Variants in SPOCK3 observed in about 807,000 individuals in gnomAD.
SPOCK3 encodes the protein SPARC (osteonectin), cwcv and kazal like domains proteoglycan 3.
SPOCK3 carries 30 observed loss-of-function variants against 56.6 expected under a neutral mutation model. The observed-to-expected ratio is 0.53, with a 90% CI of 0.40 to 0.72. The LOEUF (loss-of-function observed/expected upper bound fraction) is 0.72, where lower values mean the gene tolerates loss of function less well. Among genes scored for constraint, SPOCK3 ranks in the 30% least tolerant of loss-of-function variants. The pLI is 0.00. For synonymous variants in SPOCK3, 196 were observed against 183.3 expected (o/e 1.07, Z -0.56); for missense variants, 527 against 530.0 (o/e 0.99, Z 0.06).
chr4:167,179,136 C>G (rs889850923), intron 2 of SPOCK3, among the ~76,000 whole-genome samples: 4 of 152,110 alleles, frequency 2.6e-5, no homozygotes, highest in Non-Finnish European at 5.9e-5. Flanking sequence ...AAATGGAACT[C>G]AAGGTGGCTA....
At chr4:166,970,194 G>T (rs1745221864) in intron 4 of SPOCK3, among the ~76,000 whole-genome samples, 2 of 152,164 alleles carry the variant, frequency 1.3e-5, no homozygotes, top group South Asian at 4.1e-4. Context: ...GGTCTGAGGA[G>T]TTCATTGACC....
At chr4:167,220,071 T>C (rs1324407649) in intron 2 of SPOCK3, among the ~76,000 whole-genome samples, 1 of 152,150 alleles carries the variant, frequency 6.6e-6, no homozygotes, top group African/African-American at 2.4e-5. Context: ...TGTTTTCTAC[T>C]AGGACAGAGA....
At chr4:167,024,060 G>T (rs746034809) in intron 3 of SPOCK3, among the ~76,000 whole-genome samples, 6 of 152,082 alleles carry the variant, frequency 3.9e-5, no homozygotes, top group Non-Finnish European at 7.4e-5. Context: ...CTCTCCCGTG[G>T]TTACAATTTG....
chr4:167,043,441 T>G (rs1316834830), intron 3 of SPOCK3, among the ~76,000 whole-genome samples: 1 of 152,054 alleles, frequency 6.6e-6, no homozygotes, highest in Non-Finnish European at 1.5e-5. Flanking sequence ...CTGTATATCA[T>G]TGCTTCCTTT....
chr4:166,995,675 A>G (rs1748293310), intron 4 of SPOCK3, among the ~76,000 whole-genome samples: 1 of 152,044 alleles, frequency 6.6e-6, no homozygotes, highest in South Asian at 2.1e-4. Context: ...TTATGGGCAT[A>G]ATAATGCTTA....
chr4:167,000,316 T>C, intron 4 of SPOCK3, 33 bp downstream of exon 4: 1 of 1,096,834 alleles, frequency 9.1e-7, no homozygotes, highest in Non-Finnish European at 1.4e-6. Flanking sequence ...GGAGCGCTGT[T>C]CAATCAGTGG....
At chr4:167,223,073 A>T (rs924622927) in intron 2 of SPOCK3, among the ~76,000 whole-genome samples, 1 of 111,624 alleles carries the variant, frequency 9.0e-6, no homozygotes, top group Admixed American at 1.1e-4. Flanking sequence ...ATGAATATAT[A>T]TTTTATATAT....
At chr4:167,154,236 T>A (rs1203337477) in intron 2 of SPOCK3, among the ~76,000 whole-genome samples, 4 of 151,774 alleles carry the variant, frequency 2.6e-5, no homozygotes, top group African/African-American at 9.7e-5. Flanking sequence ...ACACACACAA[T>A]GTTTATGAAC....
chr4:166,921,713 T>C (rs1395538521), intron 4 of SPOCK3, among the ~76,000 whole-genome samples: 1 of 152,210 alleles, frequency 6.6e-6, no homozygotes, highest in African/African-American at 2.4e-5. Context: ...TTGTACTATA[T>C]ATTAAAGACT....
In SPOCK3 at chr4:166,953,878, T is replaced by C. The variant is rs1743042590; in HGVS notation, c.351-41135A>G. Among the ~76,000 whole-genome samples the C allele has an allele frequency of 1.3e-5, 2 of 152,186 alleles. 1 individual carries two copies. Among genetic ancestry groups the C allele is most frequent in the South Asian group, 4.2e-4 (2 of 4,816 alleles). On this transcript the variant is annotated intron_variant, in intron 4 of 10. Coordinates refer to ENST00000357545, the MANE Select transcript of SPOCK3 (RefSeq NM_001040159.2). ...CATATTCTCACTCACAGGTGGGAATTGAACAATGAGAACACAGGGACACAG... is the reference window on the plus strand; with the variant it reads ...CATATTCTCACTCACAGGTGGGAATCGAACAATGAGAACACAGGGACACAG...
At chr4:167,085,071 T>C (rs1758063018) in intron 2 of SPOCK3, among the ~76,000 whole-genome samples, 1 of 151,846 alleles carries the variant, frequency 6.6e-6, no homozygotes, top group African/African-American at 2.4e-5. Context: ...AATAGTGATC[T>C]GGATAAAAAC....
intron 2 of SPOCK3, among the ~76,000 whole-genome samples, chr4:167,079,405 G>A (rs1483125010): frequency 2.0e-5 from 3 of 151,772 alleles, no homozygotes; most frequent in Non-Finnish European, 4.4e-5. Flanking sequence ...TTAATTATCT[G>A]GAATAAACTG....
chr4:166,747,996 A>G (rs1186587694), intron 8 of SPOCK3, among the ~76,000 whole-genome samples: 1 of 152,186 alleles, frequency 6.6e-6, no homozygotes, highest in Non-Finnish European at 1.5e-5. Flanking sequence ...AGATACAAAC[A>G]ACTGGAAGTA....
chr4:166,805,573 CA>C (rs1370166289), intron 6 of SPOCK3, among the ~76,000 whole-genome samples: 1 of 152,032 alleles, frequency 6.6e-6, no homozygotes, highest in Admixed American at 6.6e-5. Flanking sequence ...GAAGGTTAGA[CA>C]GTAATCAAAA....
At chr4:167,128,990 G>A (rs1476161759) in intron 2 of SPOCK3, among the ~76,000 whole-genome samples, 1 of 152,160 alleles carries the variant, frequency 6.6e-6, no homozygotes, top group Non-Finnish European at 1.5e-5. Flanking sequence ...ATGACCCTGA[G>A]AGTGTACTGT....
At chr4:166,816,584 T>C (rs1377031264) in intron 6 of SPOCK3, among the ~76,000 whole-genome samples, 1 of 152,082 alleles carries the variant, frequency 6.6e-6, no homozygotes, top group East Asian at 1.9e-4. Context: ...TGGAGACACA[T>C]AATATCACTG....
intron 2 of SPOCK3, among the ~76,000 whole-genome samples, chr4:167,175,996 A>G (rs1232159719): frequency 6.6e-6 from 1 of 152,156 alleles, no homozygotes; most frequent in Non-Finnish European, 1.5e-5. Context: ...CTGGACTAAA[A>G]TCAAGGTGTA....
chr4:167,175,335 C>A (rs1730888313), intron 2 of SPOCK3, among the ~76,000 whole-genome samples: 3 of 152,122 alleles, frequency 2.0e-5, no homozygotes, highest in Non-Finnish European at 4.4e-5. Flanking sequence ...AAAAGAATCA[C>A]CTTTGTCAAA....
chr4:167,075,656 T>C (rs1447010498), intron 2 of SPOCK3, among the ~76,000 whole-genome samples: 3 of 151,926 alleles, frequency 2.0e-5, no homozygotes, highest in Non-Finnish European at 4.4e-5. Context: ...TCTTTCTGTG[T>C]TTTAGAAATG....
Sources: allele counts gnomAD v4.1 joint callset (sites outside exome capture counted in the v4.1 genomes callset), GRCh38; gene constraint gnomAD v4.1.1; transcripts MANE v1.5; gene names NCBI Gene and HGNC (gene_info 2026-07-23, HGNC 2026-07-21).